The following GRM8 variants were observed in gnomAD, a reference collection of about 807,000 sequenced individuals.
GRM8 encodes glutamate metabotropic receptor 8, also known as metabotropic glutamate receptor 8.
A neutral mutation model predicts 87.2 loss-of-function variants in GRM8; 47 were observed. The ratio of observed to expected loss-of-function variants is 0.54; its 90% CI spans 0.43 to 0.69. GRM8 has a LOEUF of 0.69. Among genes scored for constraint, GRM8 ranks in the 30% least tolerant of loss-of-function variants. GRM8 has a pLI of 0.00. For synonymous variants in GRM8, 396 were observed against 404.5 expected (o/e 0.98, Z 0.25); for missense variants, 1,019 against 1,139.2 (o/e 0.89, Z 1.52).
intron 2 of GRM8, among the ~76,000 whole-genome samples, chr7:127,177,156 G>A (rs17865256): frequency 0.021 from 3,151 of 152,260 alleles, 104 homozygotes; most frequent in African/African-American, 0.072. Flanking sequence ...GGGGCTACTG[G>A]GGGTGGGGGC....
intron 7 of GRM8, among the ~76,000 whole-genome samples, chr7:126,637,165 C>A (rs1003890238): frequency 6.6e-6 from 1 of 151,952 alleles, no homozygotes; most frequent in Non-Finnish European, 1.5e-5. Flanking sequence ...AATGCATTAT[C>A]CAGGAGAGAA....
chr7:126,555,376 C>A (rs544611689), intron 8 of GRM8, among the ~76,000 whole-genome samples: 180 of 152,308 alleles, frequency 1.2e-3, no homozygotes, highest in African/African-American at 4.1e-3. Flanking sequence ...GGCAGAATAA[C>A]CAACAGTGTA....
chr7:126,811,756 T>G (rs1406303475), intron 6 of GRM8, among the ~76,000 whole-genome samples: 1 of 152,100 alleles, frequency 6.6e-6, no homozygotes, highest in Non-Finnish European at 1.5e-5. Flanking sequence ...AATCTAGTTT[T>G]TTGGTAGAGT....
chr7:126,590,151 A>G (rs775940185), intron 8 of GRM8, among the ~76,000 whole-genome samples: 5 of 152,122 alleles, frequency 3.3e-5, no homozygotes, highest in Non-Finnish European at 7.4e-5. Flanking sequence ...GGTATAAGGG[A>G]AAAATCTTCA....
chr7:126,439,071 A>G lies in GRM8; in HGVS notation c.*48T>C, dbSNP rs768284567. ...GAATTTTTGCGGTCTCATGTTCATCATTTAAGATCATATACCACATCTCTT... is the reference window on the plus strand; with the variant it reads ...GAATTTTTGCGGTCTCATGTTCATCGTTTAAGATCATATACCACATCTCTT... On this transcript the variant is annotated 3_prime_UTR_variant, in exon 11 of 11. Coordinates refer to ENST00000339582, the MANE Select transcript of GRM8 (RefSeq NM_000845.3). The G allele has an allele frequency of 2.6e-6, 3 of 1,152,312 alleles. No individual in the cohort carries two copies. The highest frequency in any genetic ancestry group is 2.3e-5 in the East Asian group (1 of 42,714). The allele number at this position is 1,152,312 out of a possible 1,614,324, so 71.4% of individuals were successfully genotyped here.
At chr7:126,617,701 G>A (rs1402181065) in intron 7 of GRM8, among the ~76,000 whole-genome samples, 2 of 152,098 alleles carry the variant, frequency 1.3e-5, no homozygotes, top group Non-Finnish European at 2.9e-5. Context: ...AAATCAATGT[G>A]CAAAAATCAC....
intron 3 of GRM8, among the ~76,000 whole-genome samples, chr7:126,960,583 G>T (rs1394172339): frequency 6.6e-6 from 1 of 152,096 alleles, no homozygotes; most frequent in African/African-American, 2.4e-5. Flanking sequence ...AGAAGGAGAG[G>T]CAATCATCTT....
At chr7:126,886,722 T>C (rs1350023392) in intron 6 of GRM8, among the ~76,000 whole-genome samples, 1 of 152,192 alleles carries the variant, frequency 6.6e-6, no homozygotes, top group Non-Finnish European at 1.5e-5. Context: ...TTATCCAAAA[T>C]GTATATATTT....
intron 3 of GRM8, among the ~76,000 whole-genome samples, chr7:127,027,178 T>C (rs777860933): frequency 5.9e-5 from 9 of 152,162 alleles, no homozygotes; most frequent in Non-Finnish European, 8.8e-5. Context: ...GACTTTGTTC[T>C]GTCCCATTGG....
chr7:127,219,485 A>G (rs993541029), intron 2 of GRM8: 5 of 152,154 alleles, frequency 3.3e-5, no homozygotes, highest in African/African-American at 1.2e-4. Context: ...TCTGTCATCC[A>G]GGCTGGAGTA....
At chr7:127,038,524 T>C (rs542964104) in intron 3 of GRM8, among the ~76,000 whole-genome samples, 2 of 152,334 alleles carry the variant, frequency 1.3e-5, no homozygotes, top group East Asian at 3.9e-4. Context: ...TTCATATTAG[T>C]GTGCTCATTA....
intron 6 of GRM8, among the ~76,000 whole-genome samples, chr7:126,798,718 G>A (rs56349128): frequency 0.085 from 12,993 of 152,136 alleles, 609 homozygotes; most frequent in Middle Eastern, 0.14. Flanking sequence ...CTTCTCATAC[G>A]TCCAAGAGTG....
chr7:126,825,371 C>A (rs1404595164), intron 6 of GRM8, among the ~76,000 whole-genome samples: 1 of 152,110 alleles, frequency 6.6e-6, no homozygotes, highest in Non-Finnish European at 1.5e-5. Flanking sequence ...CGGCCCCAAA[C>A]ATATACTTCT....
At chr7:127,004,007 G>A (rs1430466605) in intron 3 of GRM8, among the ~76,000 whole-genome samples, 1 of 151,540 alleles carries the variant, frequency 6.6e-6, no homozygotes, top group Non-Finnish European at 1.5e-5. Context: ...TTTGCTGAGT[G>A]GAGCCCTTCA....
chr7:126,683,077 T>G (rs1193646758), intron 7 of GRM8, among the ~76,000 whole-genome samples: 2 of 151,652 alleles, frequency 1.3e-5, no homozygotes, highest in Non-Finnish European at 2.9e-5. Context: ...CAAAAAAAAG[T>G]GTGTGACCCC....
chr7:127,113,490 C>A (rs142957104), intron 2 of GRM8, among the ~76,000 whole-genome samples: 2 of 151,686 alleles, frequency 1.3e-5, no homozygotes, highest in East Asian at 3.9e-4. Context: ...TTCCCCCCTG[C>A]CAAAAAAGGT....
Position 126,446,921 on chromosome 7 carries a change from AT to A in GRM8, c.2431-550del, listed in dbSNP as rs1168336774. On this transcript the variant is annotated intron_variant, in intron 9 of 10. Transcript: ENST00000339582. The stretch of plus-strand genomic sequence containing the variant: ...ATCACAAGCATGTCATAAGGGCTTG[AT>A]TTTTTTTAACAGTCCCTCTAAAGAA... 3.3e-5 allele frequency among the ~76,000 whole-genome samples: 5 copies of A among 151,956 alleles called. No individual in the cohort carries two copies. The East Asian group carries it at 7.8e-4, about 24-fold the overall frequency.
intron 6 of GRM8, among the ~76,000 whole-genome samples, chr7:126,814,860 T>C (rs1442904248): frequency 1.3e-5 from 2 of 152,026 alleles, no homozygotes; most frequent in African/African-American, 4.8e-5. Context: ...TGAGCAATCC[T>C]AGTCTCATCA....
At chr7:127,164,184 G>A (rs758830967) in intron 2 of GRM8, among the ~76,000 whole-genome samples, 1 of 152,080 alleles carries the variant, frequency 6.6e-6, no homozygotes, top group African/African-American at 2.4e-5. Flanking sequence ...CGATGTGCCT[G>A]CTCCCCCTTT....
Sources: allele counts gnomAD v4.1 joint callset (sites outside exome capture counted in the v4.1 genomes callset), GRCh38; gene constraint gnomAD v4.1.1; transcripts MANE v1.5; gene names NCBI Gene and HGNC (gene_info 2026-07-23, HGNC 2026-07-21).